The following GALNT17 variants were observed in gnomAD, a reference collection of about 807,000 sequenced individuals.
The protein encoded by GALNT17 is UDP-GalNAc:polypeptide N-acetylgalactosaminyltransferase-like 3.
In GALNT17, 29 loss-of-function variants were observed where a neutral mutation model predicts 63.7. The ratio of observed to expected loss-of-function variants is 0.46; its 90% CI spans 0.34 to 0.62. The LOEUF is 0.62. GALNT17 is among the 20% of genes least tolerant of loss of function. The pLI, the probability that GALNT17 is intolerant of heterozygous loss-of-function variation, is 0.01. For synonymous variants in GALNT17, 305 were observed against 318.3 expected, an observed-to-expected ratio of 0.96 and a Z score of 0.45; for missense variants, 603 against 799.6, an observed-to-expected ratio of 0.75 and a Z score of 2.97.
chr7:71,696,704 A>G (rs940012052), intron 9 of GALNT17, among the ~76,000 whole-genome samples: 1 of 152,174 alleles, frequency 6.6e-6, no homozygotes, highest in Non-Finnish European at 1.5e-5. Flanking sequence ...AATGAGAATT[A>G]ATTGTATTTG....
chr7:71,334,369 G>A (rs1791860875), intron 1 of GALNT17, among the ~76,000 whole-genome samples: 1 of 152,116 alleles, frequency 6.6e-6, no homozygotes, highest in Non-Finnish European at 1.5e-5. Context: ...GGCTGTGAAA[G>A]CCAAGGAGGC....
intron 1 of GALNT17, among the ~76,000 whole-genome samples, chr7:71,259,857 G>A (rs937901928): frequency 3.3e-5 from 5 of 151,856 alleles, no homozygotes; most frequent in Admixed American, 2.6e-4. Context: ...TAGCCAGGAT[G>A]GTCTCGATCT....
chr7:71,516,438 C>T (rs1244820245), intron 5 of GALNT17, among the ~76,000 whole-genome samples: 1 of 152,100 alleles, frequency 6.6e-6, no homozygotes, highest in Non-Finnish European at 1.5e-5. Context: ...AGCAGTAGAA[C>T]CCCTTAATTC....
At chr7:71,443,554 C>G (rs1787106216) in intron 5 of GALNT17, among the ~76,000 whole-genome samples, 1 of 152,098 alleles carries the variant, frequency 6.6e-6, no homozygotes, top group African/African-American at 2.4e-5. Context: ...CTCTCTCCTG[C>G]TCCCCTTATT....
chr7:71,357,287 C>T (rs984632235), intron 2 of GALNT17, among the ~76,000 whole-genome samples: 3 of 152,142 alleles, frequency 2.0e-5, no homozygotes, highest in African/African-American at 7.2e-5. Context: ...CCTGCCAGAT[C>T]AGCGGCAGCA....
chr7:71,386,093 G>A (rs954336279), intron 2 of GALNT17, among the ~76,000 whole-genome samples: 5 of 152,264 alleles, frequency 3.3e-5, no homozygotes, highest in South Asian at 2.1e-4. Context: ...CTGTGAGCCC[G>A]TCAATAATCA....
At chr7:71,607,181 A>G (rs1007790213) in intron 6 of GALNT17, among the ~76,000 whole-genome samples, 4 of 152,154 alleles carry the variant, frequency 2.6e-5, no homozygotes, top group Admixed American at 2.6e-4. Context: ...AAGAGAAAAA[A>G]AGGAAAATAC....
chr7:71,526,051 G>A (rs547746787), intron 5 of GALNT17, among the ~76,000 whole-genome samples: 11 of 152,030 alleles, frequency 7.2e-5, no homozygotes, highest in Middle Eastern at 3.4e-3. Context: ...CGAGTATGTC[G>A]TTATCAGCAG....
At chr7:71,255,013 G>A (rs932666861) in intron 1 of GALNT17, among the ~76,000 whole-genome samples, 2 of 152,260 alleles carry the variant, frequency 1.3e-5, no homozygotes, top group African/African-American at 4.8e-5. Context: ...GAGAGGCGAT[G>A]TCAGGGAGTG....
intron 1 of GALNT17, among the ~76,000 whole-genome samples, chr7:71,137,523 T>A (rs1425431314): frequency 6.6e-6 from 1 of 152,266 alleles, no homozygotes; most frequent in East Asian, 1.9e-4. Flanking sequence ...TATTGGTTGA[T>A]CAAGTTGTTG....
At chr7:71,603,808 G>T (rs1408360063) in intron 6 of GALNT17, among the ~76,000 whole-genome samples, 3 of 151,388 alleles carry the variant, frequency 2.0e-5, no homozygotes, top group African/African-American at 7.3e-5. Flanking sequence ...CATATGCCAG[G>T]TACTATGCTA....
chr7:71,215,873 C>T (rs149892367), intron 1 of GALNT17, among the ~76,000 whole-genome samples: 137 of 152,172 alleles, frequency 9.0e-4, no homozygotes, highest in African/African-American at 2.5e-3. Context: ...ATAGGTCATA[C>T]GTATTGATAT....
At chr7:71,458,294 C>G (rs1042699927) in intron 5 of GALNT17, among the ~76,000 whole-genome samples, 1 of 152,172 alleles carries the variant, frequency 6.6e-6, no homozygotes. Flanking sequence ...CTCTCACCCC[C>G]CTTGCAGGAT....
chr7:71,662,892 T>G (rs1026770452), intron 6 of GALNT17, among the ~76,000 whole-genome samples: 2 of 152,246 alleles, frequency 1.3e-5, no homozygotes, highest in Non-Finnish European at 2.9e-5. Flanking sequence ...ATTTTTTATA[T>G]GGTGTGAGGT....
At chr7:71,603,400 C>A (rs141364058) in intron 6 of GALNT17, among the ~76,000 whole-genome samples, 1 of 151,832 alleles carries the variant, frequency 6.6e-6, no homozygotes, top group Non-Finnish European at 1.5e-5. Flanking sequence ...ATGTTAAGTG[C>A]GTACTCTGGA....
At chr7:71,572,624 C>T (rs1317179906) in intron 6 of GALNT17, among the ~76,000 whole-genome samples, 1 of 151,718 alleles carries the variant, frequency 6.6e-6, no homozygotes, top group Non-Finnish European at 1.5e-5. Flanking sequence ...CCATTACCTC[C>T]ATCTAATTAC....
chr7:71,495,043 G>A (rs975524437), intron 5 of GALNT17, among the ~76,000 whole-genome samples: 2 of 152,156 alleles, frequency 1.3e-5, no homozygotes, highest in Non-Finnish European at 2.9e-5. Flanking sequence ...GACTGAGGCA[G>A]GTAGATCACC....
intron 1 of GALNT17, among the ~76,000 whole-genome samples, chr7:71,176,364 C>G (rs1196361398): frequency 6.6e-6 from 1 of 151,912 alleles, no homozygotes; most frequent in East Asian, 1.9e-4. Flanking sequence ...TTTGGAAAAC[C>G]CTGCCCGTCC....
In GALNT17 at chr7:71,511,203, C is replaced by G. The variant is rs74300702; in HGVS notation, c.963-60082C>G. On this transcript the variant is annotated intron_variant, in intron 5 of 10. Transcript: ENST00000333538. ...CTCTAAAAAAGAGAGAGAGATGGACCCAGCTTAGCAGGACAGGGCCGAGCA... is the reference window on the plus strand; with the variant it reads ...CTCTAAAAAAGAGAGAGAGATGGACGCAGCTTAGCAGGACAGGGCCGAGCA... Among the ~76,000 whole-genome samples, 42 of 151,936 alleles carry G rather than the reference C, an allele frequency of 2.8e-4. No homozygotes were observed. The East Asian group carries it at 7.8e-3, about 28-fold the overall frequency.
Sources: gnomAD v4.1 joint callset for allele counts (sites outside exome capture counted in the v4.1 genomes callset) on GRCh38, gnomAD v4.1.1 for gene constraint, MANE v1.5 for transcripts, NCBI Gene and HGNC (gene_info 2026-07-23, HGNC 2026-07-21) for gene names.